The following BRIP1 variants were observed in gnomAD, a reference collection of about 807,000 sequenced individuals.
The protein encoded by BRIP1 is Fanconi anemia group J protein.
BRIP1 carries 88 observed loss-of-function variants against 119.7 expected under a neutral mutation model. The ratio of observed to expected loss-of-function variants is 0.74; its 90% CI spans 0.62 to 0.88. The LOEUF (loss-of-function observed/expected upper bound fraction) is 0.88, where lower values mean the gene tolerates loss of function less well. Among genes scored for constraint, BRIP1 ranks in the 40% least tolerant of loss-of-function variants. The pLI is 0.00. For missense variants in BRIP1, 1,259 were observed against 1,455.4 expected, an observed-to-expected ratio of 0.87 and a Z score of 2.20; for synonymous variants, 443 against 496.5, an observed-to-expected ratio of 0.89 and a Z score of 1.43.
intron 16 of BRIP1, among the ~76,000 whole-genome samples, chr17:61,718,857 C>T (rs1255152438): frequency 6.6e-6 from 1 of 152,144 alleles, no homozygotes; most frequent in Non-Finnish European, 1.5e-5. Context: ...TACAAAATGA[C>T]TTAGTATTTG....
rs938240859 is a variant in BRIP1, at chr17:61,759,947, G to A, written c.2098-15356C>T. ...GATAAAGCAAAGCACAATAAAATAA[G>A]GTATTCCTGTACAGAATATCCCATT... is the stretch of plus-strand genomic sequence containing the variant. On this transcript the variant is annotated intron_variant, in intron 14 of 19. Coordinates refer to ENST00000259008, the MANE Select transcript of BRIP1 (RefSeq NM_032043.3). The surrounding 1 kb of genome is among the most constrained non-coding windows in gnomAD (Gnocchi z 4.9). Among the ~76,000 whole-genome samples, 4 of 149,258 alleles carry A rather than the reference G, an allele frequency of 2.7e-5. No homozygotes were observed. The highest frequency in any genetic ancestry group is 2.7e-4 in the Admixed American group (4 of 14,982).
rs2078210168 is a variant in BRIP1, at chr17:61,814,637, G to T, written c.628-5880C>A. On this transcript the variant is annotated intron_variant, in intron 6 of 19. Coordinates refer to ENST00000259008, the MANE Select transcript of BRIP1 (RefSeq NM_032043.3). This position sits in a 1 kb window ranked among gnomAD's most constrained non-coding sequence, Gnocchi z 4.9. ...TCACTGCTGATCGAAGTATAAATTG[G>T]CACAACTACTTGAGAGCAAATTGGT... Among the ~76,000 whole-genome samples, 2 of 151,944 alleles carry T rather than the reference G, an allele frequency of 1.3e-5. No individual in the cohort carries two copies. The highest frequency in any genetic ancestry group is 2.9e-5 in the Non-Finnish European group (2 of 67,922).
rs587782556 is a variant in BRIP1, at chr17:61,744,442, T to C, written c.2247A>G (p.Lys749=). 2 of 1,613,870 alleles carry C rather than the reference T, an allele frequency of 1.2e-6. No individual in the cohort carries two copies. The highest frequency in any genetic ancestry group is 8.5e-7 in the Non-Finnish European group (1 of 1,179,874). The change falls in exon 15 of 20, where the codon AAA becomes AAG. Residue 749 remains lysine, a synonymous_variant. Coordinates refer to ENST00000259008, the MANE Select transcript of BRIP1 (RefSeq NM_032043.3). This position sits in a 1 kb window ranked among gnomAD's most constrained non-coding sequence, Gnocchi z 5.0. ...ATAATTTCCAGTTACCTTTCTCTCC[T>C]TTGTATTTGATTGCGTCATAGTACA... ...LQVYYDAIKY[K]GEKDGALLVA...
At position 61,693,510 on chromosome 17, in the gene BRIP1, C is replaced by T. The variant is rs4988355; in HGVS notation, c.2495G>A (p.Cys832Tyr). 6.2e-7 allele frequency: 1 copy of T among 1,610,262 alleles called. No homozygotes were observed. The change falls in exon 18 of 20, where the codon TGT (cysteine) becomes TAT (tyrosine). Residue 832 changes from cysteine (C) to tyrosine (Y), a missense_variant and splice_region_variant. Physicochemically the swap from Cys to Tyr is radical, Grantham distance 194 (BLOSUM62 -2). Coordinates refer to ENST00000259008, the MANE Select transcript of BRIP1 (RefSeq NM_032043.3). The surrounding 1 kb of genome is among the most constrained non-coding windows in gnomAD (Gnocchi z 4.2). ...YRALNQALGR[C>Y]IRHRNDWGAL... ...TCCCCAATCATTTCTGTGTCTAATA[C>T]ATCTAGAAAAAATAGGGAAAAAGTC...
intron 14 of BRIP1, among the ~76,000 whole-genome samples, chr17:61,750,387 C>T (rs2077115800): frequency 6.6e-6 from 1 of 152,054 alleles, no homozygotes; most frequent in African/African-American, 2.4e-5. Flanking sequence ...AAAGACATTA[C>T]TGTAAGAGCT....
chr17:61,862,917 C>T lies in BRIP1; in HGVS notation c.-31+367G>A, dbSNP rs890680808. Among the ~76,000 whole-genome samples the T allele has an allele frequency of 2.0e-5, 3 of 152,124 alleles. No homozygotes were observed. The highest frequency in any genetic ancestry group is 7.2e-5 in the African/African-American group (3 of 41,402). On this transcript the variant is annotated intron_variant, in intron 1 of 19. Coordinates refer to ENST00000259008, the MANE Select transcript of BRIP1 (RefSeq NM_032043.3). This position sits in a 1 kb window ranked among gnomAD's most constrained non-coding sequence, Gnocchi z 5.3. ...AGAATGAGGTATGGTGGAATCTAAC[C>T]TCTTAATATGAATCAACAACTCAAC...
rs1374021074 is a variant in BRIP1 at position 61,720,450 on chromosome 17, T to TA, written c.2380-4388dup. Among the ~76,000 whole-genome samples the TA allele has an allele frequency of 1.3e-5, 2 of 152,228 alleles. No homozygotes were observed. Among genetic ancestry groups the TA allele is most frequent in the Non-Finnish European group, 2.9e-5 (2 of 68,036 alleles). On this transcript the variant is annotated intron_variant, in intron 16 of 19. Transcript: ENST00000259008. This position sits in a 1 kb window ranked among gnomAD's most constrained non-coding sequence, Gnocchi z 4.3. ...TTGGAAACATTTTAGGCTTTCAAGATATATTAACAAAACTTATACAGCAGT... is the reference window on the plus strand; with the variant it reads ...TTGGAAACATTTTAGGCTTTCAAGATAATATTAACAAAACTTATACAGCAGT...
In BRIP1 at chr17:61,853,402, T is replaced by C. The variant is rs1463116397; in HGVS notation, c.379+3656A>G. Reference sequence around the variant, plus strand: ...ATGTCTCTCTCTTTTTTTTTTAATCTATGTAGTAGTTATGACAGTGAAAAT... The same window carrying C: ...ATGTCTCTCTCTTTTTTTTTTAATCCATGTAGTAGTTATGACAGTGAAAAT... On this transcript the variant is annotated intron_variant, in intron 4 of 19. Coordinates refer to ENST00000259008, the MANE Select transcript of BRIP1 (RefSeq NM_032043.3). This position sits in a 1 kb window ranked among gnomAD's most constrained non-coding sequence, Gnocchi z 4.3. 1.3e-5 allele frequency among the ~76,000 whole-genome samples: 2 copies of C among 152,066 alleles called. No homozygotes were observed. Among genetic ancestry groups the C allele is most frequent in the East Asian group, 3.9e-4 (2 of 5,190 alleles).
rs1255664198 is a variant in BRIP1, at chr17:61,686,332, A to G, written c.2576-167T>C. On this transcript the variant is annotated intron_variant, in intron 18 of 19. Transcript: ENST00000259008. This position sits in a 1 kb window ranked among gnomAD's most constrained non-coding sequence, Gnocchi z 5.4. ...CTGCAATTCAGCAATTTTACTACAT[A>G]TGTATCAGTAACATATGAGTAACAT... is the stretch of plus-strand genomic sequence containing the variant. Among the ~76,000 whole-genome samples, 1 of 152,192 alleles carries G rather than the reference A, an allele frequency of 6.6e-6. No homozygotes were observed. The highest frequency in any genetic ancestry group is 1.9e-4 in the East Asian group (1 of 5,200).
At chr17:61,855,882 C>A (rs768577753) in intron 4 of BRIP1, among the ~76,000 whole-genome samples, 1 of 151,978 alleles carries the variant, frequency 6.6e-6, no homozygotes, top group Non-Finnish European at 1.5e-5. Flanking sequence ...ACATATAATA[C>A]AAACTGTAAC....
chr17:61,731,899 C>T (rs1449289387), intron 16 of BRIP1, among the ~76,000 whole-genome samples: 1 of 136,050 alleles, frequency 7.4e-6, no homozygotes, highest in African/African-American at 2.7e-5. Context: ...ATACTTGGTG[C>T]TCTAGCCAGA....
rs1398474414 is a variant in BRIP1 at position 61,862,994 on chromosome 17, G to A, written c.-31+290C>T. ...TAGAAATCAGCCCGTCCTGTACCCCGGCTGTGGCAACAATAGTGTCAAAAT... is the reference window on the plus strand; with the variant it reads ...TAGAAATCAGCCCGTCCTGTACCCCAGCTGTGGCAACAATAGTGTCAAAAT... On this transcript the variant is annotated intron_variant, in intron 1 of 19. Transcript: ENST00000259008. This position sits in a 1 kb window ranked among gnomAD's most constrained non-coding sequence, Gnocchi z 5.3. 1.3e-5 allele frequency among the ~76,000 whole-genome samples: 2 copies of A among 152,082 alleles called. No individual in the cohort carries two copies. Among genetic ancestry groups the A allele is most frequent in the African/African-American group, 2.4e-5 (1 of 41,396 alleles).
rs1026608839 is a variant in BRIP1 at position 61,795,834 on chromosome 17, G to C, written c.1341-2105C>G. On this transcript the variant is annotated intron_variant, in intron 9 of 19. Transcript: ENST00000259008. This position sits in a 1 kb window ranked among gnomAD's most constrained non-coding sequence, Gnocchi z 5.6. ...AAGTTTTTTGAGGAACTTCCAAATT[G>C]TTCTTCATAGTGGTTGTCCTAATTT... Among the ~76,000 whole-genome samples, 18 of 152,028 alleles carry C rather than the reference G, an allele frequency of 1.2e-4. No individual in the cohort carries two copies. The highest frequency in any genetic ancestry group is 4.3e-4 in the African/African-American group (18 of 41,398).
At position 61,804,965 on chromosome 17, in the gene BRIP1, TGTGTGTG is replaced by T. The variant is rs2078052741; in HGVS notation, c.918+3495_919-3492del. Among the ~76,000 whole-genome samples, 2 of 122,098 alleles carry T rather than the reference TGTGTGTG, an allele frequency of 1.6e-5. No individual in the cohort carries two copies. The highest frequency in any genetic ancestry group is 1.7e-4 in the Admixed American group (2 of 11,514). The allele number at this position is 122,098 out of a possible 152,430, so 80.1% of individuals were successfully genotyped here. A position where few individuals can be genotyped will look rare whatever the true frequency, so the allele number is the denominator to read the frequency against. On this transcript the variant is annotated intron_variant, in intron 7 of 19. Transcript: ENST00000259008. The surrounding 1 kb of genome is among the most constrained non-coding windows in gnomAD (Gnocchi z 4.5). ...ATGTCTCTCTCTTTCTGTGTGTGTG[TGTGTGTG>T]TGTGTGTGTGTGTGTGTGTGTGTGT...
chr17:61,818,030 ATAAG>A (rs1291406318), intron 6 of BRIP1, among the ~76,000 whole-genome samples: 3 of 152,160 alleles, frequency 2.0e-5, no homozygotes, highest in Admixed American at 1.3e-4. Context: ...TTGAAAATAA[ATAAG>A]TGAGAATAAC....
chr17:61,768,478 A>T lies in BRIP1; in HGVS notation c.2097+7923T>A, dbSNP rs1280032790. On this transcript the variant is annotated intron_variant, in intron 14 of 19. Transcript: ENST00000259008. This position sits in a 1 kb window ranked among gnomAD's most constrained non-coding sequence, Gnocchi z 5.0. ...GAACAATAAGAGTTAGTCTCCATCC[A>T]TTCGTGTGTTTATTCATCAAGCATT... Among the ~76,000 whole-genome samples the T allele has an allele frequency of 6.6e-6, 1 of 152,214 alleles. No homozygotes were observed.
In BRIP1 at chr17:61,705,529, T is replaced by A. The variant is rs2061679086; in HGVS notation, c.2492+10422A>T. The stretch of plus-strand genomic sequence containing the variant: ...CAGCTTAATTTTCATTTCACTGATT[T>A]CATTATTTTTGTTACAATTCATCAA... On this transcript the variant is annotated intron_variant, in intron 17 of 19. Transcript: ENST00000259008. This position sits in a 1 kb window ranked among gnomAD's most constrained non-coding sequence, Gnocchi z 5.0. 6.6e-6 allele frequency among the ~76,000 whole-genome samples: 1 copy of A among 152,166 alleles called. No individual in the cohort carries two copies. The highest frequency in any genetic ancestry group is 2.1e-4 in the South Asian group (1 of 4,834).
rs748150493 is a variant in BRIP1, at chr17:61,720,617, C to T, written c.2380-4554G>A. Among the ~76,000 whole-genome samples, 1 of 152,152 alleles carries T rather than the reference C, an allele frequency of 6.6e-6. No individual in the cohort carries two copies. The highest frequency in any genetic ancestry group is 2.4e-5 in the African/African-American group (1 of 41,434). On this transcript the variant is annotated intron_variant, in intron 16 of 19. Coordinates refer to ENST00000259008, the MANE Select transcript of BRIP1 (RefSeq NM_032043.3). This position sits in a 1 kb window ranked among gnomAD's most constrained non-coding sequence, Gnocchi z 4.3. The stretch of plus-strand genomic sequence containing the variant: ...ATGACATCTCATGCTATATCCTGCT[C>T]CATCCCACTCAGATGTGAATCATCC...
Position 61,760,195 on chromosome 17 carries a change from AC to A in BRIP1, c.2098-15605del, listed in dbSNP as rs1343356732. Reference sequence around the variant, plus strand: ...CAACATGTTCCTGAACAACCAAACAACCAAGGGGGCAATGAAGAAATTAAAA... The same window carrying A: ...CAACATGTTCCTGAACAACCAAACAACAAGGGGGCAATGAAGAAATTAAAA... On this transcript the variant is annotated intron_variant, in intron 14 of 19. Transcript: ENST00000259008. This position sits in a 1 kb window ranked among gnomAD's most constrained non-coding sequence, Gnocchi z 4.6. Among the ~76,000 whole-genome samples the A allele has an allele frequency of 6.6e-6, 1 of 151,928 alleles. No individual in the cohort carries two copies. Among genetic ancestry groups the A allele is most frequent in the African/African-American group, 2.4e-5 (1 of 41,426 alleles).
Sources: gnomAD v4.1 joint callset for allele counts (sites outside exome capture counted in the v4.1 genomes callset) on GRCh38, gnomAD v4.1.1 for gene constraint, Gnocchi (gnomAD v3.1) non-coding constraint, MANE v1.5 for transcripts, NCBI Gene and HGNC (gene_info 2026-07-23, HGNC 2026-07-21) for gene names.